The following SNED1 variants were observed in gnomAD, a reference collection of about 807,000 sequenced individuals.
SNED1 encodes the protein sushi, nidogen and EGF like domains 1.
SNED1 carries 81 observed loss-of-function variants against 166.7 expected under a neutral mutation model. The observed-to-expected ratio is 0.49, with a 90% confidence interval of 0.41 to 0.58. The LOEUF (loss-of-function observed/expected upper bound fraction) is 0.58, where lower values mean the gene tolerates loss of function less well. Ranked by LOEUF, SNED1 falls within the 20% of genes least tolerant of loss-of-function variation. SNED1 has a pLI of 0.00. For missense variants in SNED1, 1,604 were observed against 2,000.2 expected (o/e 0.80, Z 3.78); for synonymous variants, 762 against 822.0 (o/e 0.93, Z 1.25).
At chr2:241,090,168 T>C (rs762444256) in intron 31 of SNED1, 155 of 1,460,580 alleles carry the variant, frequency 1.1e-4, no homozygotes, top group Non-Finnish European at 1.4e-4. Context: ...TGTTCAAAAT[T>C]GTTTTCTGTC....
chr2:241,038,078 C>CT (rs1179820653), intron 6 of SNED1, among the ~76,000 whole-genome samples: 106 of 152,012 alleles, frequency 7.0e-4, no homozygotes, highest in Admixed American at 4.0e-3. Flanking sequence ...GACCCCCCCC[C>CT]AATTCCTGCT....
chr2:241,030,081 A>G (rs13389314), intron 1 of SNED1, among the ~76,000 whole-genome samples: 3,493 of 152,318 alleles, frequency 0.023, 117 homozygotes, highest in African/African-American at 0.078. Flanking sequence ...TGCCCTGAGC[A>G]CACAGCATGA....
intron 27 of SNED1, chr2:241,074,712 C>T (rs777517941): frequency 5.3e-5 from 8 of 152,156 alleles, no homozygotes; most frequent in African/African-American, 1.2e-4. Context: ...CCCCTCGATG[C>T]GCAAAGCCAG....
intron 16 of SNED1, among the ~76,000 whole-genome samples, chr2:241,061,626 C>T (rs2062232519): frequency 6.6e-6 from 1 of 152,106 alleles, no homozygotes; most frequent in Non-Finnish European, 1.5e-5. Context: ...TAGACTCATG[C>T]CTGTAATCCC....
At chr2:241,047,714 T>G (rs1337266877) in intron 8 of SNED1, among the ~76,000 whole-genome samples, 1 of 152,266 alleles carries the variant, frequency 6.6e-6, no homozygotes, top group African/African-American at 2.4e-5. Flanking sequence ...GGGTGGTCTC[T>G]CTGGTCCTTC....
At chr2:241,033,625 C>A in intron 2 of SNED1, 110 bp from the exon 3 acceptor site, 1 of 1,271,926 alleles carries the variant, frequency 7.9e-7, no homozygotes, top group South Asian at 1.6e-5. Context: ...AGACATTGAG[C>A]AAGCCAGGGG....
At chr2:241,027,858 T>A (rs1037751141) in intron 1 of SNED1, among the ~76,000 whole-genome samples, 1 of 151,680 alleles carries the variant, frequency 6.6e-6, no homozygotes, top group African/African-American at 2.4e-5. Context: ...CTCAGCCTCC[T>A]GAGTAGCTGG....
intron 8 of SNED1, among the ~76,000 whole-genome samples, chr2:241,042,670 T>C (rs2061550532): frequency 6.6e-6 from 1 of 152,124 alleles, no homozygotes; most frequent in African/African-American, 2.4e-5. Context: ...TAATGAGAAG[T>C]AGAAGGTATT....
Position 241,034,596 on chromosome 2 carries a change from G to T in SNED1, c.671G>T (p.Arg224Leu). 6.2e-7 allele frequency: 1 copy of T among 1,610,150 alleles called. No individual in the cohort carries two copies. Among genetic ancestry groups the T allele is most frequent in the Non-Finnish European group, 8.5e-7 (1 of 1,178,254 alleles). Residue 224 changes from arginine to leucine, a missense_variant, in exon 4 of 32, where the codon CGT becomes CTT. Around this residue, in one of 2 missense-constraint regions of SNED1, gnomAD observed 1,237 missense variants for 1,620.8 expected, o/e 0.76. Transcript: ENST00000310397. ...QAGFNAGDGQ[R>L]YFSIPGSRTA... ...GGCTTCAACGCAGGCGATGGGCAGC[G>T]TTACTTCAGTATCCCCGGCTCGCGC... is the stretch of plus-strand genomic sequence containing the variant.
Position 241,069,634 on chromosome 2 carries a change from CTG to C in SNED1, c.3308-283_3308-282del, listed in dbSNP as rs1278767277. 6.6e-6 allele frequency among the ~76,000 whole-genome samples: 1 copy of C among 152,190 alleles called. No individual in the cohort carries two copies. The highest frequency in any genetic ancestry group is 2.4e-5 in the African/African-American group (1 of 41,444). On this transcript the variant is annotated intron_variant, in intron 23 of 31. Coordinates refer to ENST00000310397, the MANE Select transcript of SNED1 (RefSeq NM_001080437.3). This position sits in a 1 kb window ranked among gnomAD's most constrained non-coding sequence, Gnocchi z 4.9. ...ACGCAGCCAGGCTCAGGGGAACCGA[CTG>C]TGCCGCAGGGAGGGCGCCAGCTGAC...
intron 29 of SNED1, among the ~76,000 whole-genome samples, chr2:241,083,611 A>G (rs7580472): frequency 0.16 from 24,735 of 152,088 alleles, 2,827 homozygotes; most frequent in African/African-American, 0.33. Flanking sequence ...TTCGGATTCT[A>G]TGCAGTGAGA....
chr2:241,080,758 G>A (rs1298648057), intron 27 of SNED1, among the ~76,000 whole-genome samples: 1 of 152,224 alleles, frequency 6.6e-6, no homozygotes, highest in Non-Finnish European at 1.5e-5. Flanking sequence ...GCAACCTAGT[G>A]GGCAACTTTG....
chr2:241,033,761 C>T lies in SNED1; in HGVS notation c.528C>T (p.Ile176=), dbSNP rs773093768. 6.2e-7 allele frequency: 1 copy of T among 1,612,130 alleles called. No individual in the cohort carries two copies. The highest frequency in any genetic ancestry group is 8.5e-7 in the Non-Finnish European group (1 of 1,179,612). Residue 176 remains isoleucine, a synonymous_variant, in exon 3 of 32, where the codon ATC becomes ATT. Coordinates refer to ENST00000310397, the MANE Select transcript of SNED1 (RefSeq NM_001080437.3). Reference sequence around the variant, plus strand: ...TCAACACATTCCAGACTGTGCTCATCACAGACGGCAAGCTCTCCTTCACCA... The same window carrying T: ...TCAACACATTCCAGACTGTGCTCATTACAGACGGCAAGCTCTCCTTCACCA... The part of the protein sequence containing the change: ...SPVNTFQTVL[I]TDGKLSFTIF...
chr2:241,044,408 C>A (rs1324680903), intron 8 of SNED1, among the ~76,000 whole-genome samples: 1 of 152,220 alleles, frequency 6.6e-6, no homozygotes, highest in Non-Finnish European at 1.5e-5. Flanking sequence ...GTCTCTCCCC[C>A]ACTGAATACA....
At chr2:241,007,717 T>G (rs1198303426) in intron 1 of SNED1, among the ~76,000 whole-genome samples, 3 of 152,348 alleles carry the variant, frequency 2.0e-5, no homozygotes, top group African/African-American at 7.2e-5. Context: ...GTTGCCTATT[T>G]CTTTCAATGT....
At chr2:241,009,212 GT>G (rs2060311991) in intron 1 of SNED1, among the ~76,000 whole-genome samples, 1 of 152,228 alleles carries the variant, frequency 6.6e-6, no homozygotes, top group South Asian at 2.1e-4. Flanking sequence ...CAGGGTGACT[GT>G]GAGGAGGCCC....
At chr2:241,060,245 C>G (rs552827855) in intron 16 of SNED1, among the ~76,000 whole-genome samples, 1 of 151,136 alleles carries the variant, frequency 6.6e-6, no homozygotes, top group South Asian at 2.1e-4. Context: ...TGCAGTGGCA[C>G]AATCTCGGCT....
In SNED1 at chr2:241,053,110, G is replaced by A. The variant is rs368178276; in HGVS notation, c.2084-43G>A. The A allele has an allele frequency of 2.5e-5, 40 of 1,573,202 alleles. No homozygotes were observed. In the African/African-American group the frequency reaches 5.1e-4, roughly 20 times the overall value. On this transcript the variant is annotated intron_variant, in intron 15 of 31. Coordinates refer to ENST00000310397, the MANE Select transcript of SNED1 (RefSeq NM_001080437.3). ...GAGGCAGGGCGGTGGGGAGGGGCCA[G>A]GAAGGCACAGGACCGTGCGAGACAG...
chr2:241,040,551 C>T (rs1376346700), intron 8 of SNED1, 138 bp downstream of exon 8: 2 of 627,150 alleles, frequency 3.2e-6, no homozygotes, highest in African/African-American at 3.7e-5. Context: ...GATGCCTCTG[C>T]CCCCTTCCCA....
Sources: gnomAD v4.1 joint callset for allele counts (sites outside exome capture counted in the v4.1 genomes callset) on GRCh38, gnomAD v4.1.1 for gene constraint, gnomAD v4.1.1 regional missense constraint, Gnocchi (gnomAD v3.1) non-coding constraint, MANE v1.5 for transcripts, NCBI Gene and HGNC (gene_info 2026-07-23, HGNC 2026-07-21) for gene names.